Variants in NFS1 observed in about 807,000 individuals in gnomAD.
The protein encoded by NFS1 is cysteine desulfurase.
NFS1 carries 26 observed loss-of-function variants against 57.3 expected under a neutral mutation model. The ratio of observed to expected loss-of-function variants is 0.45; its 90% CI spans 0.33 to 0.63. The LOEUF (loss-of-function observed/expected upper bound fraction) is 0.63. NFS1 is among the 20% of genes least tolerant of loss of function. NFS1 has a pLI of 0.02. For synonymous variants in NFS1, 209 were observed against 216.3 expected (o/e 0.97, Z 0.30); for missense variants, 505 against 605.8 (o/e 0.83, Z 1.75).
intron 11 of NFS1, 79 bp from the exon 12 acceptor site, chr20:35,672,923 G>C (rs2034681418): frequency 2.5e-6 from 2 of 801,146 alleles, no homozygotes; most frequent in Non-Finnish European, 4.1e-6. Flanking sequence ...TACTCACTAA[G>C]GATCTACGAC....
intron 4 of NFS1, among the ~76,000 whole-genome samples, chr20:35,693,127 C>T (rs544531507): frequency 3.3e-5 from 5 of 152,048 alleles, no homozygotes; most frequent in Admixed American, 6.6e-5. Flanking sequence ...TTTTTTGAGA[C>T]GGTCTCATTC....
At position 35,671,109 on chromosome 20, in the gene NFS1, T is replaced by G. The variant is rs563662218; in HGVS notation, c.1311-1424A>C. ...GATCTCATTACCTTTATAAACACAT[T>G]GATTGATTGATTGAGACAGAGTCTT... On this transcript the variant is annotated intron_variant, in intron 12 of 12. Transcript: ENST00000374092. Among the ~76,000 whole-genome samples, 4 of 152,198 alleles carry G rather than the reference T, an allele frequency of 2.6e-5. No homozygotes were observed. In the East Asian group the frequency reaches 7.7e-4, roughly 29 times the overall value.
chr20:35,683,131 T>TC (rs1357292211), intron 5 of NFS1, among the ~76,000 whole-genome samples: 2 of 150,976 alleles, frequency 1.3e-5, no homozygotes, highest in African/African-American at 4.9e-5. Flanking sequence ...AAAAAGCCAA[T>TC]CCCAGAAGGT....
intron 9 of NFS1, 33 bp downstream of exon 9, chr20:35,674,479 A>T: frequency 6.2e-7 from 1 of 1,611,052 alleles, no homozygotes; most frequent in Non-Finnish European, 8.5e-7. Flanking sequence ...CTCAGCCTCT[A>T]CCAGAATGAG....
At chr20:35,681,116 C>T (rs1042744356) in intron 6 of NFS1, among the ~76,000 whole-genome samples, 1 of 151,438 alleles carries the variant, frequency 6.6e-6, no homozygotes, top group African/African-American at 2.4e-5. Context: ...AGCACCAGAT[C>T]GAAACACTCG....
intron 5 of NFS1, chr20:35,682,922 CA>C (rs2034873782): frequency 6.0e-6 from 1 of 165,854 alleles, no homozygotes; most frequent in Admixed American, 6.4e-5. Flanking sequence ...ACTAAAAATA[CA>C]AAAAATTAGC....
chr20:35,684,467 A>G (rs1166794286), intron 5 of NFS1, among the ~76,000 whole-genome samples: 3 of 146,100 alleles, frequency 2.1e-5, no homozygotes, highest in Non-Finnish European at 3.0e-5. Context: ...AAATAAAATA[A>G]GGGCCGGGCA....
chr20:35,681,726 G>T (rs1455903768), intron 6 of NFS1, among the ~76,000 whole-genome samples, 162 bp downstream of exon 6: 1 of 152,040 alleles, frequency 6.6e-6, no homozygotes, highest in Non-Finnish European at 1.5e-5. Context: ...AATAGACCTG[G>T]ATTCAAATAC....
intron 5 of NFS1, among the ~76,000 whole-genome samples, chr20:35,683,790 CA>C (rs151037025): frequency 0.23 from 12,458 of 54,130 alleles, 309 homozygotes; most frequent in African/African-American, 0.25. Flanking sequence ...GACTCCATCT[CA>C]AAAAAAAAAA....
intron 4 of NFS1, among the ~76,000 whole-genome samples, chr20:35,695,665 T>C (rs1049189174): frequency 2.0e-5 from 3 of 151,672 alleles, no homozygotes; most frequent in African/African-American, 7.3e-5. Flanking sequence ...TTGTTGCAAA[T>C]AGATCTGATC....
At chr20:35,698,989 C>T in intron 1 of NFS1, 2 of 1,323,484 alleles carry the variant, frequency 1.5e-6, no homozygotes, top group Non-Finnish European at 1.9e-6. Context: ...GCTCTGGGGG[C>T]CTGTCGCGCA....
chr20:35,675,200 C>G lies in NFS1; in HGVS notation c.793G>C (p.Val265Leu), dbSNP rs961509367. The G allele has an allele frequency of 1.9e-6, 3 of 1,588,262 alleles. No homozygotes were observed. The highest frequency in any genetic ancestry group is 2.7e-5 in the African/African-American group (2 of 73,962). The change falls in exon 8 of 13, where the codon GTT (valine) becomes CTT (leucine). Residue 265 changes from valine to leucine, a missense_variant and splice_region_variant. Physicochemically the swap from Val to Leu is conservative, Grantham distance 32. Coordinates refer to ENST00000374092, the MANE Select transcript of NFS1 (RefSeq NM_021100.5). ...CGGCGACGGATGTAGATGGCACCAA[C>G]CCCTGGGAAACAAAATTTGTTACAA... ...SGHKIYGPKG[V>L]GAIYIRRRPR...
intron 7 of NFS1, among the ~76,000 whole-genome samples, chr20:35,678,172 A>AC (rs1760262914): frequency 6.7e-6 from 1 of 149,952 alleles, no homozygotes; most frequent in South Asian, 2.1e-4. Context: ...ACACAGTGAA[A>AC]CCCCGTCTCT....
At chr20:35,697,971 C>A (rs550779408) in intron 2 of NFS1, among the ~76,000 whole-genome samples, 171 bp from the exon 3 acceptor site, 1 of 152,164 alleles carries the variant, frequency 6.6e-6, no homozygotes, top group Non-Finnish European at 1.5e-5. Context: ...CAAATATCAA[C>A]CTAATACACT....
At chr20:35,690,872 C>G (rs1226602629) in intron 4 of NFS1, among the ~76,000 whole-genome samples, 1 of 152,188 alleles carries the variant, frequency 6.6e-6, no homozygotes, top group Non-Finnish European at 1.5e-5. Context: ...GAAGCCCGGT[C>G]AAGTTCAATA....
chr20:35,676,975 A>G (rs1036274614), intron 7 of NFS1, among the ~76,000 whole-genome samples: 1 of 151,664 alleles, frequency 6.6e-6, no homozygotes, highest in Non-Finnish European at 1.5e-5. Flanking sequence ...AAAGTGATTC[A>G]CCTGCCTCAG....
chr20:35,669,037 T>C lies in NFS1; in HGVS notation c.*585A>G, dbSNP rs987153435. ...CAAGAAAACAAATTATTAGAATAAC[T>C]GGTGGAGTCACAGACATATTTCTAG... On this transcript the variant is annotated 3_prime_UTR_variant, in exon 13 of 13. Coordinates refer to ENST00000374092, the MANE Select transcript of NFS1 (RefSeq NM_021100.5). The C allele has an allele frequency of 3.3e-5, 5 of 152,220 alleles. No homozygotes were observed. The highest frequency in any genetic ancestry group is 9.6e-5 in the African/African-American group (4 of 41,462). The allele number at this position is 152,220 out of a possible 1,614,324, so 9.4% of individuals were successfully genotyped here.
At chr20:35,674,936 T>G in intron 8 of NFS1, 109 bp downstream of exon 8, 2 of 1,467,476 alleles carry the variant, frequency 1.4e-6, no homozygotes, top group Non-Finnish European at 1.9e-6. Flanking sequence ...AAGAGTTTTC[T>G]TAAGCCCTCT....
rs889237326 is a variant in NFS1, at chr20:35,669,742, T to G, written c.1311-57A>C. 1.4e-5 allele frequency: 22 copies of G among 1,526,980 alleles called. No homozygotes were observed. In the African/African-American group the frequency reaches 2.7e-4, roughly 19 times the overall value. 94.6% of individuals were successfully genotyped at this position (1,526,980 alleles called of 1,614,324 possible). On this transcript the variant is annotated intron_variant, in intron 12 of 12. Transcript: ENST00000374092. ...GGGCTTAGATAGGAAGTCGACAACA[T>G]TGGCCCCAAGGCTCTGAGCAATGGC...
Sources: gnomAD v4.1 joint callset for allele counts (sites outside exome capture counted in the v4.1 genomes callset) on GRCh38, gnomAD v4.1.1 for gene constraint, MANE v1.5 for transcripts, NCBI Gene and HGNC (gene_info 2026-07-23, HGNC 2026-07-21) for gene names.